Variants in CNTNAP2 observed in about 807,000 individuals in gnomAD.
The protein encoded by CNTNAP2 is contactin-associated protein-like 2.
Under a neutral mutation model 155.2 loss-of-function variants are expected in CNTNAP2, and 98 were observed. That is an observed-to-expected ratio of 0.63 (90% CI 0.54 to 0.75). The LOEUF is 0.75. Among genes scored for constraint, CNTNAP2 ranks in the 30% least tolerant of loss-of-function variants. The probability of loss-of-function intolerance (pLI) is 0.00; values close to 1 mark genes in which losing one functional copy is unlikely to be tolerated. For synonymous variants in CNTNAP2, 651 were observed against 631.2 expected, an observed-to-expected ratio of 1.03 and a Z score of -0.47; for missense variants, 1,727 against 1,688.1, an observed-to-expected ratio of 1.02 and a Z score of -0.40.
chr7:146,872,228 T>C (rs1249828664), intron 3 of CNTNAP2, among the ~76,000 whole-genome samples: 1 of 150,148 alleles, frequency 6.7e-6, no homozygotes, highest in Non-Finnish European at 1.5e-5. Context: ...CATCCACCTG[T>C]ATGAAAACAG....
At chr7:147,820,336 G>A (rs1369066802) in intron 13 of CNTNAP2, among the ~76,000 whole-genome samples, 5 of 151,556 alleles carry the variant, frequency 3.3e-5, no homozygotes, top group Non-Finnish European at 7.4e-5. Flanking sequence ...GTTGTTTAAT[G>A]TCTGTTTAAT....
intron 1 of CNTNAP2, among the ~76,000 whole-genome samples, chr7:146,257,789 G>A (rs891133530): frequency 6.6e-6 from 1 of 152,148 alleles, no homozygotes; most frequent in Non-Finnish European, 1.5e-5. Context: ...GTTATGCTGT[G>A]GGATTGTAAC....
chr7:148,178,896 T>C (rs1180959582), intron 18 of CNTNAP2, among the ~76,000 whole-genome samples: 2 of 152,238 alleles, frequency 1.3e-5, no homozygotes, highest in Non-Finnish European at 2.9e-5. Flanking sequence ...TAGCTTTAAA[T>C]GTCAAATGCC....
At chr7:146,312,263 G>A (rs918444027) in intron 1 of CNTNAP2, among the ~76,000 whole-genome samples, 2 of 152,100 alleles carry the variant, frequency 1.3e-5, no homozygotes, top group Non-Finnish European at 2.9e-5. Context: ...TTGAATGTTA[G>A]GAACCTGTGA....
chr7:147,941,468 G>A (rs1800720429), intron 14 of CNTNAP2, among the ~76,000 whole-genome samples: 1 of 152,106 alleles, frequency 6.6e-6, no homozygotes. Context: ...AACTTCTAGA[G>A]AGCACTCACA....
At chr7:148,277,510 G>A (rs563754198) in intron 21 of CNTNAP2, among the ~76,000 whole-genome samples, 10 of 150,624 alleles carry the variant, frequency 6.6e-5, no homozygotes, top group Middle Eastern at 3.4e-3. Context: ...GATGATGCAC[G>A]TGAGGACCAG....
chr7:147,233,946 T>G lies in CNTNAP2; in HGVS notation c.1349-66195T>G, dbSNP rs145414615. On this transcript the variant is annotated intron_variant, in intron 8 of 23. Transcript: ENST00000361727. ...TATTACATCTCTTTGTAATTATTAA[T>G]GAAAATATTCCACTTTTAAATACCT... is the stretch of plus-strand genomic sequence containing the variant. Among the ~76,000 whole-genome samples the G allele has an allele frequency of 1.6e-4, 24 of 151,636 alleles. 1 individual carries two copies. The East Asian group carries it at 4.1e-3, about 26-fold the overall frequency.
chr7:147,235,345 G>GGGGTGTGTGTGTGTGTGT (rs374435627), intron 8 of CNTNAP2, among the ~76,000 whole-genome samples: 2 of 140,882 alleles, frequency 1.4e-5, no homozygotes, highest in Admixed American at 7.2e-5. Flanking sequence ...TGGAGTTTTT[G>GGGGTGTGTGTGTGTGTGT]GTGTGTGTGT....
intron 4 of CNTNAP2, among the ~76,000 whole-genome samples, chr7:147,089,469 T>C (rs1800352303): frequency 6.6e-6 from 1 of 152,192 alleles, no homozygotes; most frequent in African/African-American, 2.4e-5. Flanking sequence ...TTTACACTTT[T>C]TCCTTTATTT....
At chr7:147,700,385 C>G (rs1391017208) in intron 13 of CNTNAP2, among the ~76,000 whole-genome samples, 1 of 152,124 alleles carries the variant, frequency 6.6e-6, no homozygotes, top group Non-Finnish European at 1.5e-5. Context: ...TAGAAGGTGA[C>G]CCAGGTGCGT....
chr7:147,468,068 G>A (rs1161021366), intron 10 of CNTNAP2, among the ~76,000 whole-genome samples: 12 of 151,804 alleles, frequency 7.9e-5, no homozygotes, highest in African/African-American at 2.9e-4. Context: ...AGGATTTCTT[G>A]AGGCCAGGAG....
chr7:146,784,445 T>C (rs570222405), intron 2 of CNTNAP2, among the ~76,000 whole-genome samples: 1 of 152,344 alleles, frequency 6.6e-6, no homozygotes, highest in African/African-American at 2.4e-5. Context: ...TCCTATTTGG[T>C]ACTGGCCCTA....
At chr7:147,858,926 C>T (rs1439404523) in intron 13 of CNTNAP2, among the ~76,000 whole-genome samples, 1 of 152,138 alleles carries the variant, frequency 6.6e-6, no homozygotes, top group Non-Finnish European at 1.5e-5. Context: ...TGAAGCTACC[C>T]AGTTTATGGT....
intron 13 of CNTNAP2, among the ~76,000 whole-genome samples, chr7:147,664,073 T>C: frequency 6.6e-6 from 1 of 152,248 alleles, no homozygotes; most frequent in East Asian, 1.9e-4. Context: ...TCATGTCAAC[T>C]AGTGCATTAT....
intron 1 of CNTNAP2, among the ~76,000 whole-genome samples, chr7:146,721,391 C>CTATATACATTCTATATATATTCTA (rs1563203511): frequency 1.7e-4 from 20 of 118,740 alleles, no homozygotes; most frequent in East Asian, 1.7e-3. Flanking sequence ...TATATACATT[C>CTATATACATTCTATATATATTCTA]TATATACATT....
intron 4 of CNTNAP2, among the ~76,000 whole-genome samples, chr7:147,107,068 G>A (rs6945616): frequency 0.02 from 3,081 of 152,174 alleles, 94 homozygotes; most frequent in African/African-American, 0.07. Context: ...GAGCTGTTCC[G>A]TTTGACTAGG....
intron 21 of CNTNAP2, among the ~76,000 whole-genome samples, chr7:148,367,736 C>T (rs978715348): frequency 2.0e-5 from 3 of 151,920 alleles, no homozygotes; most frequent in Non-Finnish European, 2.9e-5. Context: ...AATGCGATCG[C>T]CCCATAAAAT....
intron 10 of CNTNAP2, among the ~76,000 whole-genome samples, chr7:147,431,727 T>A (rs1797470052): frequency 6.6e-6 from 1 of 152,180 alleles, no homozygotes. Flanking sequence ...TTATCTTTCT[T>A]GAAACAATTT....
At chr7:148,010,665 T>G (rs1381922730) in intron 15 of CNTNAP2, among the ~76,000 whole-genome samples, 3 of 132,722 alleles carry the variant, frequency 2.3e-5, no homozygotes, top group African/African-American at 7.3e-5. Flanking sequence ...ATCAAGGTTT[T>G]TTTTTTTTTA....
Sources: allele counts gnomAD v4.1 joint callset (sites outside exome capture counted in the v4.1 genomes callset), GRCh38; gene constraint gnomAD v4.1.1; transcripts MANE v1.5; gene names NCBI Gene and HGNC (gene_info 2026-07-23, HGNC 2026-07-21).